The following TNRC6A variants were observed in gnomAD, a reference collection of about 807,000 sequenced individuals.
The protein encoded by TNRC6A is trinucleotide repeat containing adaptor 6A, also known as trinucleotide repeat-containing gene 6A protein.
A neutral mutation model predicts 221.2 loss-of-function variants in TNRC6A; 44 were observed. The ratio of observed to expected loss-of-function variants is 0.20; its 90% CI spans 0.16 to 0.26. The LOEUF is 0.26. Ranked by LOEUF, TNRC6A falls within the 10% of genes least tolerant of loss-of-function variation. The pLI, the probability that TNRC6A is intolerant of heterozygous loss-of-function variation, is 1.00. For missense variants in TNRC6A, 2,199 were observed against 2,404.4 expected (o/e 0.91, Z 1.79); for synonymous variants, 847 against 838.5 (o/e 1.01, Z -0.18).
intron 2 of TNRC6A, among the ~76,000 whole-genome samples, chr16:24,656,480 AAGAG>A (rs1351073980): frequency 5.3e-5 from 8 of 151,144 alleles, no homozygotes; most frequent in African/African-American, 1.7e-4. Flanking sequence ...AAAAAAAAAA[AAGAG>A]AGAGAGAGAG....
chr16:24,699,043 A>C (rs547859368), intron 2 of TNRC6A, among the ~76,000 whole-genome samples: 1 of 152,142 alleles, frequency 6.6e-6, no homozygotes, highest in South Asian at 2.1e-4. Context: ...TGAAGAACCT[A>C]CAGAGCGGGT....
chr16:24,793,262 TA>T (rs567613912), intron 6 of TNRC6A: 7 of 368,860 alleles, frequency 1.9e-5, no homozygotes, highest in Non-Finnish European at 3.3e-5. Flanking sequence ...TGAAAAAAGT[TA>T]AAAAAATTCT....
At chr16:24,779,340 C>G (rs1462590276) in intron 5 of TNRC6A, among the ~76,000 whole-genome samples, 3 of 152,134 alleles carry the variant, frequency 2.0e-5, no homozygotes, top group Non-Finnish European at 2.9e-5. Flanking sequence ...GATGATGAAG[C>G]CAAGGCATTC....
intron 2 of TNRC6A, among the ~76,000 whole-genome samples, chr16:24,715,059 G>A (rs1410367504): frequency 6.6e-6 from 1 of 151,316 alleles, no homozygotes; most frequent in East Asian, 2.0e-4. Context: ...TGTATTTTTA[G>A]TAGAGACGGG....
intron 5 of TNRC6A, among the ~76,000 whole-genome samples, chr16:24,786,883 A>G (rs774501762): frequency 2.0e-5 from 3 of 151,922 alleles, no homozygotes; most frequent in African/African-American, 7.2e-5. Context: ...GGGTTTCACC[A>G]TGTTGGCCAG....
intron 2 of TNRC6A, among the ~76,000 whole-genome samples, chr16:24,710,968 C>G (rs933428743): frequency 6.6e-6 from 1 of 151,912 alleles, no homozygotes; most frequent in Non-Finnish European, 1.5e-5. Flanking sequence ...CTCCACCTCC[C>G]GGGTTCAAGG....
intron 18 of TNRC6A, among the ~76,000 whole-genome samples, chr16:24,813,715 C>CT (rs1283185456): frequency 6.6e-6 from 1 of 152,214 alleles, no homozygotes; most frequent in Non-Finnish European, 1.5e-5. Flanking sequence ...GCTCTGTTTG[C>CT]TTAAACTGAA....
At chr16:24,810,595 A>C (rs1035903738) in intron 18 of TNRC6A, among the ~76,000 whole-genome samples, 10 of 152,224 alleles carry the variant, frequency 6.6e-5, no homozygotes, top group African/African-American at 2.4e-4. Context: ...CCACACAAAC[A>C]GGAAGAGCAA....
chr16:24,728,780 CAT>C (rs2056537967), upstream of TNRC6A, among the ~76,000 whole-genome samples: 1 of 152,196 alleles, frequency 6.6e-6, no homozygotes. Context: ...TACATATATA[CAT>C]ATCTTAGTCT....
chr16:24,776,715 GC>G, intron 4 of TNRC6A: 1 of 985,448 alleles, frequency 1.0e-6, no homozygotes, highest in Non-Finnish European at 1.2e-6. Flanking sequence ...AGGTCCCTGG[GC>G]CCTTATTGGG....
chr16:24,768,021 A>C (rs2057510062), intron 4 of TNRC6A, among the ~76,000 whole-genome samples: 1 of 152,216 alleles, frequency 6.6e-6, no homozygotes, highest in Non-Finnish European at 1.5e-5. Context: ...AGTAAGTGTA[A>C]GGCTGAAGAA....
intron 2 of TNRC6A, among the ~76,000 whole-genome samples, chr16:24,722,861 G>C (rs2056433824): frequency 6.6e-6 from 1 of 152,304 alleles, no homozygotes; most frequent in East Asian, 1.9e-4. Context: ...AGAAGACAAA[G>C]AAAGCAGATT....
chr16:24,799,228 C>G (rs1315879983), intron 11 of TNRC6A, among the ~76,000 whole-genome samples: 2 of 152,196 alleles, frequency 1.3e-5, no homozygotes, highest in African/African-American at 4.8e-5. Flanking sequence ...GGAAAAAAAC[C>G]TATAAAGGGC....
chr16:24,729,721 C>G lies in TNRC6A; in HGVS notation c.-121C>G, dbSNP rs1171975374. ...GCGGCGGCGGCGGCGGCGGCGGCAG[C>G]GGGTCGGTGTAGAAAATGGCGCTGG... is the stretch of plus-strand genomic sequence containing the variant. On this transcript the variant is annotated 5_prime_UTR_variant, in exon 1 of 25. Transcript: ENST00000395799. 6 of 1,120,130 alleles carry G rather than the reference C, an allele frequency of 5.4e-6. No homozygotes were observed. The highest frequency in any genetic ancestry group is 6.9e-6 in the Non-Finnish European group (6 of 872,734). The allele number at this position is 1,120,130 out of a possible 1,614,324, so 69.4% of individuals were successfully genotyped here. A position where few individuals can be genotyped will look rare whatever the true frequency, so the allele number is the denominator to read the frequency against.
intron 2 of TNRC6A, among the ~76,000 whole-genome samples, chr16:24,717,314 A>G (rs1236459171): frequency 6.6e-6 from 1 of 152,208 alleles, no homozygotes. Context: ...ATCATTACAT[A>G]TAAGAATGCT....
At chr16:24,767,735 C>G (rs2057503914) in intron 4 of TNRC6A, among the ~76,000 whole-genome samples, 1 of 152,092 alleles carries the variant, frequency 6.6e-6, no homozygotes, top group Non-Finnish European at 1.5e-5. Flanking sequence ...AATCAACTAA[C>G]CATTCTGTAT....
chr16:24,627,527 C>G (rs1167428283), intron 1 of TNRC6A, among the ~76,000 whole-genome samples: 2 of 151,948 alleles, frequency 1.3e-5, no homozygotes, highest in African/African-American at 2.4e-5. Context: ...TTACTCTGAT[C>G]TTGGATTTCC....
intron 2 of TNRC6A, among the ~76,000 whole-genome samples, chr16:24,660,238 T>C (rs1000049551): frequency 5.3e-5 from 8 of 152,036 alleles, no homozygotes; most frequent in Non-Finnish European, 1.0e-4. Context: ...CTTCCTACCC[T>C]GTCCCCCTGA....
intron 2 of TNRC6A, among the ~76,000 whole-genome samples, chr16:24,744,973 C>T (rs886204783): frequency 6.6e-6 from 1 of 152,130 alleles, no homozygotes; most frequent in Non-Finnish European, 1.5e-5. Context: ...CCTTTCACAT[C>T]AGGGTGTAGA....
Sources: gnomAD v4.1 joint callset for allele counts (sites outside exome capture counted in the v4.1 genomes callset) on GRCh38, gnomAD v4.1.1 for gene constraint, MANE v1.5 for transcripts, NCBI Gene and HGNC (gene_info 2026-07-23, HGNC 2026-07-21) for gene names.